The following SERINC5 variants were observed in gnomAD, a reference collection of about 807,000 sequenced individuals.
The protein encoded by SERINC5 is serine incorporator 5, also known as chromosome 5 open reading frame 12.
Under a neutral mutation model 63.1 loss-of-function variants are expected in SERINC5, and 41 were observed. That is an observed-to-expected ratio of 0.65 (90% CI 0.51 to 0.84). SERINC5 has a LOEUF of 0.84. SERINC5 is among the 40% of genes least tolerant of loss of function. The pLI, the probability that SERINC5 is intolerant of heterozygous loss-of-function variation, is 0.00. For missense variants in SERINC5, 523 were observed against 573.0 expected (o/e 0.91, Z 0.89); for synonymous variants, 222 against 215.2 (o/e 1.03, Z -0.28).
chr5:80,117,914 C>T (rs59840092), intron 11 of SERINC5, among the ~76,000 whole-genome samples: 4,210 of 151,908 alleles, frequency 0.028, 248 homozygotes, highest in African/African-American at 0.096. Context: ...TATAAAAACA[C>T]TTGTCATGCC....
chr5:80,235,922 T>C (rs1240089818), intron 1 of SERINC5, among the ~76,000 whole-genome samples: 1 of 152,268 alleles, frequency 6.6e-6, no homozygotes, highest in Non-Finnish European at 1.5e-5. Flanking sequence ...AGTGGATCCC[T>C]GTTCTACGAA....
chr5:80,229,341 A>ATTT (rs59664490), intron 1 of SERINC5, among the ~76,000 whole-genome samples: 2,914 of 120,156 alleles, frequency 0.024, 125 homozygotes, highest in African/African-American at 0.069. Flanking sequence ...TACTTACACA[A>ATTT]TTTTTTTTTT....
downstream of SERINC5, among the ~76,000 whole-genome samples, chr5:80,134,916 C>G (rs1047991921): frequency 6.6e-6 from 1 of 152,198 alleles, no homozygotes; most frequent in African/African-American, 2.4e-5. Flanking sequence ...GTAAAATCCA[C>G]AGAAAACTCA....
intron 11 of SERINC5, among the ~76,000 whole-genome samples, chr5:80,121,376 T>A (rs1744537146): frequency 6.6e-6 from 1 of 152,096 alleles, no homozygotes; most frequent in Admixed American, 6.5e-5. Flanking sequence ...GTTGGTGTGG[T>A]GGTGAGGAAT....
At chr5:80,135,280 C>T (rs1745115892), downstream of SERINC5, among the ~76,000 whole-genome samples, 3 of 152,172 alleles carry the variant, frequency 2.0e-5, no homozygotes, top group South Asian at 6.2e-4. Context: ...GTGATCCTCC[C>T]GCGTCAGCCT....
chr5:80,208,308 G>A (rs981405388), intron 1 of SERINC5, among the ~76,000 whole-genome samples: 2 of 151,286 alleles, frequency 1.3e-5, no homozygotes, highest in Admixed American at 6.6e-5. Context: ...CAAGTGGGGA[G>A]GGGAGGTATA....
At chr5:80,131,790 T>C (rs1054167636) in intron 11 of SERINC5, among the ~76,000 whole-genome samples, 16 of 152,230 alleles carry the variant, frequency 1.1e-4, no homozygotes, top group African/African-American at 3.9e-4. Flanking sequence ...ATCTTGTCAC[T>C]GTCCTAAGAA....
Position 80,142,658 on chromosome 5 carries a change from A to G in SERINC5, c.*1005T>C, listed in dbSNP as rs565543870. ...TCACGTTACAGATCCAGAACACAAA[A>G]CGACTTCCGCTTTTACAGTTTCAAA... On this transcript the variant is annotated 3_prime_UTR_variant, in exon 12 of 12. Coordinates refer to ENST00000507668, the MANE Select transcript of SERINC5 (RefSeq NM_001174072.3). 6 of 985,394 alleles carry G rather than the reference A, an allele frequency of 6.1e-6. No homozygotes were observed. The African/African-American group carries it at 1.0e-4, about 17-fold the overall frequency. 61.0% of individuals were successfully genotyped at this position (985,394 alleles called of 1,614,324 possible).
At chr5:80,150,651 G>C (rs1323005719) in intron 9 of SERINC5, among the ~76,000 whole-genome samples, 2 of 152,130 alleles carry the variant, frequency 1.3e-5, no homozygotes, top group Non-Finnish European at 2.9e-5. Context: ...GGCCAGGCTG[G>C]TCTTGAACTC....
chr5:80,164,017 A>C (rs1747109377), intron 7 of SERINC5, among the ~76,000 whole-genome samples: 1 of 152,064 alleles, frequency 6.6e-6, no homozygotes, highest in African/African-American at 2.4e-5. Flanking sequence ...TTCTTATTGG[A>C]AGATTTTTTA....
At chr5:80,245,480 G>A (rs1406856275) in intron 1 of SERINC5, among the ~76,000 whole-genome samples, 1 of 152,186 alleles carries the variant, frequency 6.6e-6, no homozygotes, top group Non-Finnish European at 1.5e-5. Context: ...CTGTGAAGAA[G>A]CACTGGCCCA....
At position 80,158,838 on chromosome 5, in the gene SERINC5, T is replaced by A; in HGVS notation, c.984A>T (p.Ser328=). Residue 328 remains serine, a splice_region_variant and synonymous_variant, in exon 8 of 12, where the codon TCA becomes TCT. Transcript: ENST00000507668. ...TSLLIGCILY[S]CLTSTTRSSS... ...CTTGAGTAACTCCCAAGACTTACCA[T>A]GAATACAAGATACATCCGATTAAGA... 2.5e-6 allele frequency: 4 copies of A among 1,613,206 alleles called. No homozygotes were observed. The highest frequency in any genetic ancestry group is 3.4e-6 in the Non-Finnish European group (4 of 1,179,722).
At chr5:80,137,160 A>AAAC (rs1554058515), downstream of SERINC5, among the ~76,000 whole-genome samples, 41 of 96,660 alleles carry the variant, frequency 4.2e-4, no homozygotes, top group Non-Finnish European at 7.5e-4. Flanking sequence ...AAAAAAAAAA[A>AAAC]AAACAAAAAA....
intron 10 of SERINC5, 78 bp from the exon 11 acceptor site, chr5:80,146,312 T>G (rs912422523): frequency 2.0e-6 from 3 of 1,534,102 alleles, no homozygotes; most frequent in African/African-American, 2.7e-5. Flanking sequence ...GCTCGCTAAT[T>G]CTACAGGGCT....
chr5:80,147,722 C>T (rs1745912864), intron 9 of SERINC5, among the ~76,000 whole-genome samples: 1 of 152,186 alleles, frequency 6.6e-6, no homozygotes, highest in Non-Finnish European at 1.5e-5. Context: ...TAATAAATAT[C>T]CCACGCAACA....
chr5:80,251,158 A>C (rs1365695738), intron 1 of SERINC5, among the ~76,000 whole-genome samples: 1 of 152,152 alleles, frequency 6.6e-6, no homozygotes, highest in Non-Finnish European at 1.5e-5. Context: ...ACGCACCTGT[A>C]GTCCCAGCTA....
chr5:80,232,510 G>A (rs1397918569), intron 1 of SERINC5, among the ~76,000 whole-genome samples: 1 of 151,726 alleles, frequency 6.6e-6, no homozygotes, highest in African/African-American at 2.4e-5. Context: ...TACTGGCCAG[G>A]CACAGTGGCT....
At position 80,121,176 on chromosome 5, in the gene SERINC5, C is replaced by A. The variant is rs567142713; in HGVS notation, c.1239-7551G>T. Among the ~76,000 whole-genome samples, 381 of 152,300 alleles carry A rather than the reference C, an allele frequency of 2.5e-3. 1 individual carries two copies. Among genetic ancestry groups the A allele is most frequent in the African/African-American group, 8.6e-3 (359 of 41,572 alleles). On this transcript the variant is annotated intron_variant, in intron 11 of 12. Transcript: ENST00000509193. ...TACTGGGATTACAGGCATGAGCCAACGCACCCAGCCAAGAAAGGAGTTTGT... is the reference window on the plus strand; with the variant it reads ...TACTGGGATTACAGGCATGAGCCAAAGCACCCAGCCAAGAAAGGAGTTTGT...
At chr5:80,247,991 T>C (rs1315931794) in intron 1 of SERINC5, among the ~76,000 whole-genome samples, 2 of 151,746 alleles carry the variant, frequency 1.3e-5, no homozygotes, top group African/African-American at 2.4e-5. Context: ...TGGGACTATA[T>C]AGGCACACAC....
Sources: gnomAD v4.1 joint callset for allele counts (sites outside exome capture counted in the v4.1 genomes callset) on GRCh38, gnomAD v4.1.1 for gene constraint, MANE v1.5 for transcripts, NCBI Gene and HGNC (gene_info 2026-07-23, HGNC 2026-07-21) for gene names.